ARMH3: variants seen among roughly 807,000 people sequenced by gnomAD.
ARMH3 encodes the protein armadillo like helical domain containing 3, also known as armadillo-like helical domain-containing protein 3.
In ARMH3, 60 loss-of-function variants were observed where a neutral mutation model predicts 99.1. That is an observed-to-expected ratio of 0.61 (90% CI 0.49 to 0.75). ARMH3 has a LOEUF of 0.75. Among genes scored for constraint, ARMH3 ranks in the 30% least tolerant of loss-of-function variants. ARMH3 has a pLI of 0.00. For missense variants in ARMH3, 679 were observed against 843.1 expected (o/e 0.81, Z 2.41); for synonymous variants, 285 against 292.8 (o/e 0.97, Z 0.27).
At chr10:101,888,524 G>A (rs1208800618) in intron 24 of ARMH3, among the ~76,000 whole-genome samples, 2 of 152,194 alleles carry the variant, frequency 1.3e-5, no homozygotes, top group Non-Finnish European at 2.9e-5. Flanking sequence ...TAGCTTTGAG[G>A]AACACTGAAA....
At chr10:102,028,727 A>G (rs575891098) in intron 5 of ARMH3, among the ~76,000 whole-genome samples, 1 of 152,322 alleles carries the variant, frequency 6.6e-6, no homozygotes, top group African/African-American at 2.4e-5. Flanking sequence ...ATGCTTGCCA[A>G]GGGTTGAGAA....
chr10:101,945,403 G>A (rs565520066), intron 22 of ARMH3, among the ~76,000 whole-genome samples: 2 of 152,112 alleles, frequency 1.3e-5, no homozygotes, highest in Non-Finnish European at 2.9e-5. Flanking sequence ...GCAACATGCC[G>A]AAATCCTGTC....
At chr10:101,938,091 A>G (rs1232583087) in intron 23 of ARMH3, among the ~76,000 whole-genome samples, 1 of 150,736 alleles carries the variant, frequency 6.6e-6, no homozygotes, top group African/African-American at 2.4e-5. Context: ...CTGGTCTTGA[A>G]CTCCTGGGCT....
intron 1 of ARMH3, among the ~76,000 whole-genome samples, chr10:102,040,913 A>ACTTG (rs1345268618): frequency 2.6e-5 from 4 of 151,964 alleles, no homozygotes; most frequent in Admixed American, 1.3e-4. Flanking sequence ...ACTGCAAAGT[A>ACTTG]CTTGGCCTTT....
At chr10:101,996,831 G>C (rs1297830366) in intron 15 of ARMH3, among the ~76,000 whole-genome samples, 1 of 152,142 alleles carries the variant, frequency 6.6e-6, no homozygotes, top group African/African-American at 2.4e-5. Flanking sequence ...TCAACTTTAA[G>C]TCTATGCATA....
At chr10:101,864,074 A>ACACACAC (rs563347789) in intron 24 of ARMH3, among the ~76,000 whole-genome samples, 18 of 129,038 alleles carry the variant, frequency 1.4e-4, no homozygotes, top group East Asian at 5.1e-4. Context: ...AAAAAAAAAA[A>ACACACAC]AAAAACACAC....
intron 23 of ARMH3, among the ~76,000 whole-genome samples, chr10:101,918,894 T>C (rs1224715943): frequency 6.6e-6 from 1 of 152,150 alleles, no homozygotes; most frequent in East Asian, 1.9e-4. Context: ...GCTTTTCAAA[T>C]CAAGTTATAG....
In ARMH3 at chr10:101,951,860, T is replaced by A. The variant is rs575712787; in HGVS notation, c.1705+4737A>T. On this transcript the variant is annotated intron_variant, in intron 22 of 25. Transcript: ENST00000370033. Reference sequence around the variant, plus strand: ...TCCAGTGTGGGCCACAGAGCGAGACTCCGTCTCAAAAAAAAAAAAAAGAAG... The same window carrying A: ...TCCAGTGTGGGCCACAGAGCGAGACACCGTCTCAAAAAAAAAAAAAAGAAG... 5.8e-5 allele frequency among the ~76,000 whole-genome samples: 7 copies of A among 121,246 alleles called. No homozygotes were observed. The East Asian group carries it at 1.8e-3, about 31-fold the overall frequency. 79.5% of individuals were successfully genotyped at this position (121,246 alleles called of 152,430 possible). A position where few individuals can be genotyped will look rare whatever the true frequency, so the allele number is the denominator to read the frequency against.
intron 19 of ARMH3, among the ~76,000 whole-genome samples, chr10:101,984,619 G>T (rs191155145): frequency 6.6e-6 from 1 of 152,050 alleles, no homozygotes; most frequent in African/African-American, 2.4e-5. Flanking sequence ...AACCCCTGCG[G>T]CCATCTATCC....
intron 12 of ARMH3, 136 bp downstream of exon 12, chr10:102,009,841 C>T (rs1316749575): frequency 3.6e-5 from 32 of 883,668 alleles, no homozygotes. Flanking sequence ...GTTCAAAACC[C>T]ATGAAACATT....
chr10:101,961,034 T>C (rs1052287757), intron 20 of ARMH3, among the ~76,000 whole-genome samples: 5 of 152,228 alleles, frequency 3.3e-5, no homozygotes, highest in Admixed American at 6.5e-5. Flanking sequence ...CTCTGGTTTA[T>C]AACTTTCTCC....
At chr10:101,923,402 CTCAGTT>C (rs2135613679) in intron 23 of ARMH3, among the ~76,000 whole-genome samples, 1 of 152,222 alleles carries the variant, frequency 6.6e-6, no homozygotes, top group African/African-American at 2.4e-5. Context: ...AAAATGCTGC[CTCAGTT>C]TCAGTTTCAG....
intron 24 of ARMH3, among the ~76,000 whole-genome samples, chr10:101,881,516 T>C (rs1315482558): frequency 6.6e-6 from 1 of 152,164 alleles, no homozygotes; most frequent in Non-Finnish European, 1.5e-5. Flanking sequence ...ACCATACACT[T>C]AACATGATTA....
At position 102,011,722 on chromosome 10, in the gene ARMH3, C is replaced by G. The variant is rs759780247; in HGVS notation, c.831+1G>C. The G allele has an allele frequency of 6.2e-7, 1 of 1,604,618 alleles. No individual in the cohort carries two copies. The highest frequency in any genetic ancestry group is 2.2e-5 in the East Asian group (1 of 44,776). On this transcript the variant is annotated splice_donor_variant, in intron 11 of 25. Transcript: ENST00000370033. LOFTEE classifies it high-confidence loss of function. Reference sequence around the variant, plus strand: ...GGAGAAAAAAAAAAAGCAGGACTTACCATATTTGTTAAAGCAGAGAAAAAA... The same window carrying G: ...GGAGAAAAAAAAAAAGCAGGACTTAGCATATTTGTTAAAGCAGAGAAAAAA...
At chr10:102,047,369 G>A (rs796350390) in intron 1 of ARMH3, among the ~76,000 whole-genome samples, 10 of 152,262 alleles carry the variant, frequency 6.6e-5, no homozygotes, top group African/African-American at 2.4e-4. Context: ...ACAATCCTCA[G>A]CTTAGGAGGG....
intron 25 of ARMH3, 42 bp from the exon 26 acceptor site, chr10:101,847,662 A>C: frequency 6.4e-7 from 1 of 1,566,298 alleles, no homozygotes; most frequent in African/African-American, 1.4e-5. Context: ...GCGCAGCCAG[A>C]GAGAAAACAG....
intron 24 of ARMH3, among the ~76,000 whole-genome samples, chr10:101,873,451 T>C (rs1334395689): frequency 6.6e-6 from 1 of 152,080 alleles, no homozygotes; most frequent in Non-Finnish European, 1.5e-5. Flanking sequence ...AAACCCAGCG[T>C]GGCAGTTTCT....
At chr10:101,908,966 C>T (rs1229836627) in intron 23 of ARMH3, among the ~76,000 whole-genome samples, 4 of 151,834 alleles carry the variant, frequency 2.6e-5, no homozygotes, top group African/African-American at 4.8e-5. Flanking sequence ...CCTGGCCCTA[C>T]TATTATTTTA....
At chr10:101,924,376 T>C (rs1321467716) in intron 23 of ARMH3, among the ~76,000 whole-genome samples, 16 of 151,774 alleles carry the variant, frequency 1.1e-4, no homozygotes, top group Non-Finnish European at 1.8e-4. Flanking sequence ...TTTTTTTTTT[T>C]TTTGAGACAG....
Sources: gnomAD v4.1 joint callset for allele counts (sites outside exome capture counted in the v4.1 genomes callset) on GRCh38, gnomAD v4.1.1 for gene constraint, MANE v1.5 for transcripts, NCBI Gene and HGNC (gene_info 2026-07-23, HGNC 2026-07-21) for gene names.